Variants in LYPLAL1 observed in about 807,000 individuals in gnomAD.
The protein encoded by LYPLAL1 is lysophospholipase-like protein 1.
In LYPLAL1, 23 loss-of-function variants were observed where a neutral mutation model predicts 19.7. The observed-to-expected ratio is 1.17, with a 90% CI of 0.84 to 1.65. The LOEUF is 1.65. LYPLAL1 is among the 40% of genes most tolerant of loss of function. LYPLAL1 has a pLI of 0.00. For missense variants in LYPLAL1, 355 were observed against 279.4 expected (o/e 1.27, Z -1.93); for synonymous variants, 119 against 96.3 (o/e 1.24, Z -1.38).
chr1:219,195,302 G>A (rs1391135539), intron 3 of LYPLAL1, among the ~76,000 whole-genome samples: 2 of 151,956 alleles, frequency 1.3e-5, no homozygotes, highest in Non-Finnish European at 1.5e-5. Flanking sequence ...AACTAATTTG[G>A]CAGAAGGGGT....
chr1:219,272,529 C>T, the LYPLAL1 span: 4 of 152,088 alleles, frequency 2.6e-5, no homozygotes, highest in Non-Finnish European at 4.4e-5. Context: ...CCAACACTTT[C>T]GGAGGCTGAG....
At chr1:219,320,843 A>C in the LYPLAL1 span, among the ~76,000 whole-genome samples, 5 of 152,160 alleles carry the variant, frequency 3.3e-5, no homozygotes, top group African/African-American at 1.2e-4. Flanking sequence ...TCTATCATTG[A>C]TGGGCACTTG....
At chr1:219,282,595 G>C in the LYPLAL1 span, among the ~76,000 whole-genome samples, 5 of 151,826 alleles carry the variant, frequency 3.3e-5, no homozygotes, top group African/African-American at 9.7e-5. Flanking sequence ...CCAAAGGGGA[G>C]GGGGATAACA....
the LYPLAL1 span, among the ~76,000 whole-genome samples, chr1:219,327,742 T>G: frequency 6.6e-6 from 1 of 152,128 alleles, no homozygotes; most frequent in Admixed American, 6.5e-5. Context: ...CCCCATACTA[T>G]TCTCTTAGTA....
chr1:219,329,081 T>C, the LYPLAL1 span, among the ~76,000 whole-genome samples: 4 of 152,086 alleles, frequency 2.6e-5, no homozygotes, highest in African/African-American at 9.7e-5. Context: ...TTCTGTTCCT[T>C]CTCCATTTTT....
chr1:219,323,208 C>T, the LYPLAL1 span, among the ~76,000 whole-genome samples: 4 of 152,072 alleles, frequency 2.6e-5, no homozygotes, highest in East Asian at 7.7e-4. Context: ...GCAGGTGCAA[C>T]CACATGGAAA....
At chr1:219,188,925 A>C (rs187439046) in intron 2 of LYPLAL1, among the ~76,000 whole-genome samples, 2,812 of 151,834 alleles carry the variant, frequency 0.019, 38 homozygotes, top group South Asian at 0.056. Flanking sequence ...TTTATATTTT[A>C]TTTAAATGTT....
chr1:219,442,345 AAGTTTCCTT>A, the LYPLAL1 span, among the ~76,000 whole-genome samples: 1 of 152,202 alleles, frequency 6.6e-6, no homozygotes, highest in Admixed American at 6.5e-5. Flanking sequence ...CAGGAAAAAA[AAGTTTCCTT>A]TTCCCTTAGT....
At chr1:219,369,007 A>G in the LYPLAL1 span, among the ~76,000 whole-genome samples, 1 of 152,232 alleles carries the variant, frequency 6.6e-6, no homozygotes, top group East Asian at 1.9e-4. Context: ...GAGCAAGCTC[A>G]TTTAACTTTG....
At chr1:219,194,597 C>G (rs1449491658) in intron 3 of LYPLAL1, among the ~76,000 whole-genome samples, 1 of 151,978 alleles carries the variant, frequency 6.6e-6, no homozygotes, top group Non-Finnish European at 1.5e-5. Context: ...TAACTAATAG[C>G]TTTTCAAAGC....
chr1:219,225,940 A>G, the LYPLAL1 span, among the ~76,000 whole-genome samples: 3 of 152,176 alleles, frequency 2.0e-5, no homozygotes, highest in Non-Finnish European at 4.4e-5. Context: ...TGTGTGTAGC[A>G]TATTATTCCT....
the LYPLAL1 span, among the ~76,000 whole-genome samples, chr1:219,349,358 T>C: frequency 9.9e-4 from 151 of 152,290 alleles, no homozygotes; most frequent in African/African-American, 3.3e-3. Context: ...GATCCCCAGC[T>C]TCACAAAACT....
At chr1:219,348,470 A>G in the LYPLAL1 span, among the ~76,000 whole-genome samples, 1 of 152,210 alleles carries the variant, frequency 6.6e-6, no homozygotes, top group East Asian at 1.9e-4. Context: ...CTTCTGGGTC[A>G]CTTCCACACA....
the LYPLAL1 span, among the ~76,000 whole-genome samples, chr1:219,278,423 T>C: frequency 3.9e-5 from 6 of 152,204 alleles, no homozygotes; most frequent in Non-Finnish European, 8.8e-5. Flanking sequence ...AAGAATTCAT[T>C]TAATCATCAC....
the LYPLAL1 span, among the ~76,000 whole-genome samples, chr1:219,336,029 G>A: frequency 6.6e-6 from 1 of 150,432 alleles, no homozygotes; most frequent in African/African-American, 2.4e-5. Flanking sequence ...TCTCAGCAGA[G>A]GTCGAATGTC....
chr1:219,256,984 G>T, the LYPLAL1 span, among the ~76,000 whole-genome samples: 1 of 151,826 alleles, frequency 6.6e-6, no homozygotes, highest in Admixed American at 6.6e-5. Context: ...CTAGTATATT[G>T]TAAATTTTAG....
chr1:219,379,060 A>C, the LYPLAL1 span, among the ~76,000 whole-genome samples: 59,015 of 151,726 alleles, frequency 0.39, 11,961 homozygotes, highest in Admixed American at 0.45. Context: ...ATTTCTCTCT[A>C]TATATATATT....
chr1:219,277,565 G>A, the LYPLAL1 span, among the ~76,000 whole-genome samples: 1 of 152,126 alleles, frequency 6.6e-6, no homozygotes, highest in South Asian at 2.1e-4. Flanking sequence ...GCAGAACTAG[G>A]AGATAAGGGA....
chr1:219,395,223 T>A, the LYPLAL1 span, among the ~76,000 whole-genome samples: 1 of 152,262 alleles, frequency 6.6e-6, no homozygotes, highest in Non-Finnish European at 1.5e-5. Flanking sequence ...ATGGTTGAAC[T>A]ATTTTACACT....
Sources: gnomAD v4.1 joint callset for allele counts (sites outside exome capture counted in the v4.1 genomes callset) on GRCh38, gnomAD v4.1.1 for gene constraint, MANE v1.5 for transcripts, NCBI Gene and HGNC (gene_info 2026-07-23, HGNC 2026-07-21) for gene names.